EPN2: variants seen among roughly 807,000 people sequenced by gnomAD.
EPN2 encodes epsin 2.
EPN2 carries 34 observed loss-of-function variants against 61.7 expected under a neutral mutation model. That is an observed-to-expected ratio of 0.55 (90% CI 0.42 to 0.73). EPN2 has a LOEUF of 0.73. EPN2 is among the 30% of genes least tolerant of loss of function. The probability of loss-of-function intolerance (pLI) is 0.00; values close to 1 mark genes in which losing one functional copy is unlikely to be tolerated. For missense variants in EPN2, 714 were observed against 839.2 expected, an observed-to-expected ratio of 0.85 and a Z score of 1.84; for synonymous variants, 349 against 353.6, an observed-to-expected ratio of 0.99 and a Z score of 0.15.
chr17:19,312,783 C>A, intron 6 of EPN2: 1 of 312,966 alleles, frequency 3.2e-6, no homozygotes, highest in Non-Finnish European at 6.0e-6. Context: ...TGGATGGTGG[C>A]TGGCAGGTGG....
At chr17:19,289,154 C>T (rs951256389) in intron 4 of EPN2, among the ~76,000 whole-genome samples, 45 of 147,482 alleles carry the variant, frequency 3.1e-4, no homozygotes, top group African/African-American at 8.0e-4. Context: ...GCACGATCTC[C>T]GCTTACTGCA....
At chr17:19,296,517 A>T (rs922873671) in intron 4 of EPN2, 4 of 152,222 alleles carry the variant, frequency 2.6e-5, no homozygotes, top group African/African-American at 9.6e-5. Flanking sequence ...AAATGCAAAA[A>T]AAATAGAAAT....
At chr17:19,328,643 T>C (rs1907009074) in intron 7 of EPN2, 68 bp from the exon 8 acceptor site, 1 of 1,432,582 alleles carries the variant, frequency 7.0e-7, no homozygotes, top group Non-Finnish European at 9.5e-7. Context: ...AGTATCCTTT[T>C]CCCTTCTCAC....
chr17:19,258,484 C>T (rs1210124518), intron 1 of EPN2, among the ~76,000 whole-genome samples: 4 of 152,092 alleles, frequency 2.6e-5, no homozygotes, highest in African/African-American at 7.2e-5. Flanking sequence ...CGTTTGGTGA[C>T]GTTGGGTTGG....
chr17:19,313,524 C>T, intron 7 of EPN2: 1 of 413,304 alleles, frequency 2.4e-6, no homozygotes, highest in Non-Finnish European at 4.3e-6. Flanking sequence ...CTCCCCTCAA[C>T]CTCCCATTTG....
At chr17:19,294,999 A>C (rs977094547) in intron 4 of EPN2, among the ~76,000 whole-genome samples, 1 of 152,190 alleles carries the variant, frequency 6.6e-6, no homozygotes, top group Non-Finnish European at 1.5e-5. Flanking sequence ...GAAGGCATGC[A>C]GATAGATTTG....
At chr17:19,308,006 G>C in intron 4 of EPN2, 1 of 985,080 alleles carries the variant, frequency 1.0e-6, no homozygotes, top group African/African-American at 1.7e-5. Flanking sequence ...CTAGGTGAAT[G>C]AATCCTGCTA....
In EPN2 at chr17:19,335,547, C is replaced by T. The variant is rs1907372901; in HGVS notation, c.*1293C>T. ...GGATAATGTGGAAATGGCAGTTGTC[C>T]CGAGGGCGTGGGGTGGGGGGTGCTT... On this transcript the variant is annotated 3_prime_UTR_variant, in exon 11 of 11. Coordinates refer to ENST00000314728, the MANE Select transcript of EPN2 (RefSeq NM_014964.5). 2.1e-6 allele frequency: 3 copies of T among 1,458,582 alleles called. No homozygotes were observed. The Admixed American group carries it at 6.3e-5, about 31-fold the overall frequency. 90.4% of individuals were successfully genotyped at this position (1,458,582 alleles called of 1,614,324 possible). A position where few individuals can be genotyped will look rare whatever the true frequency, so the allele number is the denominator to read the frequency against.
intron 1 of EPN2, among the ~76,000 whole-genome samples, chr17:19,251,582 C>T (rs1176321774): frequency 2.0e-5 from 3 of 152,024 alleles, no homozygotes; most frequent in East Asian, 1.9e-4. Context: ...TAGAGGTGCA[C>T]GCCGCCACTC....
chr17:19,257,453 C>T (rs534818047), intron 1 of EPN2, among the ~76,000 whole-genome samples: 57 of 152,110 alleles, frequency 3.7e-4, no homozygotes, highest in African/African-American at 1.3e-3. Context: ...GCCTTAGGAC[C>T]TATACGTCAA....
At chr17:19,332,550 C>T (rs566736581) in intron 10 of EPN2, among the ~76,000 whole-genome samples, 9 of 152,298 alleles carry the variant, frequency 5.9e-5, no homozygotes, top group African/African-American at 1.4e-4. Context: ...TGTTGGCTGC[C>T]GGCCAAGCCC....
chr17:19,246,730 T>TG, intron 1 of EPN2, among the ~76,000 whole-genome samples: 1 of 150,044 alleles, frequency 6.7e-6, no homozygotes, highest in South Asian at 2.3e-4. Flanking sequence ...TGTTTTGTTT[T>TG]TTTTTTCCCC....
intron 7 of EPN2, among the ~76,000 whole-genome samples, chr17:19,319,423 C>G (rs1906545037): frequency 6.6e-6 from 1 of 151,610 alleles, no homozygotes; most frequent in South Asian, 2.1e-4. Context: ...CTTCCAGGTT[C>G]AAGCAATTCT....
chr17:19,317,571 C>T (rs1008478705), intron 7 of EPN2, among the ~76,000 whole-genome samples: 1 of 152,172 alleles, frequency 6.6e-6, no homozygotes, highest in African/African-American at 2.4e-5. Context: ...CGGGATGAGC[C>T]AGGCTGGCGG....
intron 4 of EPN2, among the ~76,000 whole-genome samples, chr17:19,299,396 C>T (rs766520302): frequency 6.6e-6 from 1 of 152,242 alleles, no homozygotes; most frequent in Non-Finnish European, 1.5e-5. Context: ...TGGAGAGCTG[C>T]GGGTGGCTCA....
intron 1 of EPN2, among the ~76,000 whole-genome samples, chr17:19,276,719 G>A (rs926916845): frequency 1.4e-5 from 2 of 146,286 alleles, no homozygotes; most frequent in Admixed American, 1.4e-4. Context: ...TTCTAAAGGT[G>A]TTTCTAGTTA....
chr17:19,248,461 G>A (rs1021603076), intron 1 of EPN2: 1 of 152,024 alleles, frequency 6.6e-6, no homozygotes, highest in African/African-American at 2.4e-5. Context: ...TGCAGCAGAT[G>A]GTACATGTAA....
chr17:19,335,812 T>C lies in EPN2; in HGVS notation c.*1558T>C. The C allele has an allele frequency of 4.9e-6, 1 of 202,034 alleles. No individual in the cohort carries two copies. The highest frequency in any genetic ancestry group is 1.8e-3 in the Middle Eastern group (1 of 548). 12.5% of individuals were successfully genotyped at this position (202,034 alleles called of 1,614,324 possible). A position where few individuals can be genotyped will look rare whatever the true frequency, so the allele number is the denominator to read the frequency against. On this transcript the variant is annotated 3_prime_UTR_variant, in exon 11 of 11. Coordinates refer to ENST00000314728, the MANE Select transcript of EPN2 (RefSeq NM_014964.5). Reference sequence around the variant, plus strand: ...CTTCCAAACTCCTACTGTCCTCACCTCACCCACCACTGTAAAAGTATTACG... The same window carrying C: ...CTTCCAAACTCCTACTGTCCTCACCCCACCCACCACTGTAAAAGTATTACG...
chr17:19,258,965 T>G (rs1455994931), intron 1 of EPN2, among the ~76,000 whole-genome samples: 3 of 152,216 alleles, frequency 2.0e-5, no homozygotes, highest in Non-Finnish European at 4.4e-5. Context: ...TATTACCAAC[T>G]GGTGGATATT....
Sources: allele counts gnomAD v4.1 joint callset (sites outside exome capture counted in the v4.1 genomes callset), GRCh38; gene constraint gnomAD v4.1.1; transcripts MANE v1.5; gene names NCBI Gene and HGNC (gene_info 2026-07-23, HGNC 2026-07-21).